RAB3B: variants seen among roughly 807,000 people sequenced by gnomAD.
RAB3B encodes the protein ras-related protein Rab-3B.
Under a neutral mutation model 20.5 loss-of-function variants are expected in RAB3B, and 11 were observed. The observed-to-expected ratio is 0.54, with a 90% CI of 0.34 to 0.89. RAB3B has a LOEUF of 0.89. Ranked by LOEUF, RAB3B falls within the 40% of genes least tolerant of loss-of-function variation. RAB3B has a pLI of 0.02. For synonymous variants in RAB3B, 99 were observed against 106.3 expected (o/e 0.93, Z 0.42); for missense variants, 225 against 280.9 (o/e 0.80, Z 1.42).
chr1:51,974,499 A>G (rs1684981815), intron 2 of RAB3B, among the ~76,000 whole-genome samples: 2 of 152,218 alleles, frequency 1.3e-5, no homozygotes, highest in African/African-American at 4.8e-5. Context: ...GACGACCCGT[A>G]TAGCTTCTTC....
At chr1:51,971,305 T>C (rs1684930418) in intron 2 of RAB3B, among the ~76,000 whole-genome samples, 1 of 151,994 alleles carries the variant, frequency 6.6e-6, no homozygotes, top group Admixed American at 6.6e-5. Flanking sequence ...ATGTTCCCCC[T>C]TTCCCTTTAC....
rs544509038 is a variant in RAB3B, at chr1:51,956,175, C to G, written c.229-18763G>C. ...CTGTGCACCCTGCGCCTTGGATTCT[C>G]CTCTTTAAATAGGGATATTAGACTA... On this transcript the variant is annotated intron_variant, in intron 2 of 4. Transcript: ENST00000371655. Among the ~76,000 whole-genome samples the G allele has an allele frequency of 4.6e-5, 7 of 152,222 alleles. No homozygotes were observed. In the South Asian group the frequency reaches 1.5e-3, roughly 32 times the overall value.
chr1:51,985,091 C>G (rs1270611334), intron 1 of RAB3B, among the ~76,000 whole-genome samples: 1 of 152,206 alleles, frequency 6.6e-6, no homozygotes. Context: ...AAAATACCAC[C>G]TACTTCACAG....
intron 4 of RAB3B, among the ~76,000 whole-genome samples, chr1:51,930,557 G>A (rs1684308247): frequency 6.6e-6 from 1 of 152,002 alleles, no homozygotes. Context: ...TTTCTCATCT[G>A]TTAAAAAAAA....
At chr1:51,983,463 T>C (rs1431636186) in intron 1 of RAB3B, among the ~76,000 whole-genome samples, 2 of 152,318 alleles carry the variant, frequency 1.3e-5, no homozygotes, top group African/African-American at 2.4e-5. Context: ...CTAGGAGCAA[T>C]AGGCTATCTA....
At chr1:51,978,751 A>T (rs544918289) in intron 1 of RAB3B, among the ~76,000 whole-genome samples, 92 of 152,240 alleles carry the variant, frequency 6.0e-4, no homozygotes, top group Non-Finnish European at 1.0e-3. Flanking sequence ...TTCAAGTGTG[A>T]TGGTGTCTGG....
At position 51,918,670 on chromosome 1, in the gene RAB3B, G is replaced by A. The variant is rs1684121395; in HGVS notation, c.*1257C>T. On this transcript the variant is annotated 3_prime_UTR_variant, in exon 5 of 5. Transcript: ENST00000371655. ...TGCTTTAAAAGAAAGAGATTTGATT[G>A]TTAGGCTTGACAGTCACTTGTCAGA... The A allele has an allele frequency of 6.6e-6, 1 of 152,236 alleles. No homozygotes were observed. Among genetic ancestry groups the A allele is most frequent in the Admixed American group, 6.5e-5 (1 of 15,276 alleles). 9.4% of individuals were successfully genotyped at this position (152,236 alleles called of 1,614,324 possible).
At chr1:51,981,915 G>T (rs1234246632) in intron 1 of RAB3B, among the ~76,000 whole-genome samples, 1 of 152,140 alleles carries the variant, frequency 6.6e-6, no homozygotes, top group Non-Finnish European at 1.5e-5. Context: ...GATAATAAAT[G>T]ACTATGTTAC....
rs77664152 is a variant in RAB3B, at chr1:51,937,996, CT to C, written c.229-585del. ...AAAAGTTTTAACCTTATTTTTGTTTCTTTTTTTTTTTTTTTTTTTTTTTTAA... is the reference window on the plus strand; with the variant it reads ...AAAAGTTTTAACCTTATTTTTGTTTCTTTTTTTTTTTTTTTTTTTTTTTAA... On this transcript the variant is annotated intron_variant, in intron 2 of 4. Transcript: ENST00000371655. Among the ~76,000 whole-genome samples, 729 of 88,734 alleles carry C rather than the reference CT, an allele frequency of 8.2e-3. 7 individuals are homozygous for C. The highest frequency in any genetic ancestry group is 0.02 in the African/African-American group (471 of 23,850). The allele number at this position is 88,734 out of a possible 152,430, so 58.2% of individuals were successfully genotyped here.
intron 2 of RAB3B, among the ~76,000 whole-genome samples, chr1:51,961,161 C>T (rs948187335): frequency 6.6e-6 from 1 of 152,158 alleles, no homozygotes; most frequent in Admixed American, 6.5e-5. Flanking sequence ...GCAGCTTCTT[C>T]AGAGACCACT....
intron 1 of RAB3B, among the ~76,000 whole-genome samples, chr1:51,982,704 G>A (rs1685103424): frequency 6.6e-6 from 1 of 151,790 alleles, no homozygotes; most frequent in South Asian, 2.1e-4. Context: ...AGTGAGCAGA[G>A]ATCCACTGCA....
chr1:51,916,067 A>G lies in RAB3B; in HGVS notation c.*3860T>C, dbSNP rs1369497665. On this transcript the variant is annotated 3_prime_UTR_variant, in exon 5 of 5. Coordinates refer to ENST00000371655, the MANE Select transcript of RAB3B (RefSeq NM_002867.4). ...ATCCAGGACAAGTTGCCACTAACAC[A>G]TATTACACAGCTTGAACCTTGGTGG... 6.6e-6 allele frequency: 1 copy of G among 152,244 alleles called. No homozygotes were observed. Among genetic ancestry groups the G allele is most frequent in the African/African-American group, 2.4e-5 (1 of 41,462 alleles). The allele number at this position is 152,244 out of a possible 1,614,324, so 9.4% of individuals were successfully genotyped here.
intron 3 of RAB3B, among the ~76,000 whole-genome samples, chr1:51,934,537 C>T (rs1384535778): frequency 2.0e-5 from 3 of 151,920 alleles, no homozygotes; most frequent in African/African-American, 7.3e-5. Flanking sequence ...TTTGTGAGGC[C>T]GAGGTGGGCG....
chr1:51,948,227 C>T (rs527388259), intron 2 of RAB3B, among the ~76,000 whole-genome samples: 10 of 152,230 alleles, frequency 6.6e-5, no homozygotes, highest in East Asian at 1.9e-4. Flanking sequence ...ATCATGAAAA[C>T]GGGCTTAAAT....
At chr1:51,921,663 G>A (rs974719507) in intron 4 of RAB3B, among the ~76,000 whole-genome samples, 1 of 152,122 alleles carries the variant, frequency 6.6e-6, no homozygotes, top group African/African-American at 2.4e-5. Context: ...CAGACTCCCT[G>A]TTGTCAAATA....
chr1:51,968,150 C>G (rs1684881919), intron 2 of RAB3B, among the ~76,000 whole-genome samples: 1 of 152,136 alleles, frequency 6.6e-6, no homozygotes, highest in Admixed American at 6.5e-5. Flanking sequence ...AGATGCCCCC[C>G]AGATGAGGCC....
chr1:51,922,504 T>C (rs1244963417), intron 4 of RAB3B, among the ~76,000 whole-genome samples: 1 of 152,022 alleles, frequency 6.6e-6, no homozygotes, highest in Non-Finnish European at 1.5e-5. Flanking sequence ...GTAATGAAAA[T>C]TAAATCCATG....
At chr1:51,951,534 A>G (rs910453762) in intron 2 of RAB3B, among the ~76,000 whole-genome samples, 7 of 152,220 alleles carry the variant, frequency 4.6e-5, no homozygotes, top group African/African-American at 1.7e-4. Flanking sequence ...GGTAATAAAA[A>G]TGGAGTCAGC....
chr1:51,954,691 C>G (rs1326587310), intron 2 of RAB3B, among the ~76,000 whole-genome samples: 1 of 152,124 alleles, frequency 6.6e-6, no homozygotes, highest in Non-Finnish European at 1.5e-5. Flanking sequence ...AATAGAGAAG[C>G]CTGAAACAGC....
Sources: gnomAD v4.1 joint callset for allele counts (sites outside exome capture counted in the v4.1 genomes callset) on GRCh38, gnomAD v4.1.1 for gene constraint, MANE v1.5 for transcripts, NCBI Gene and HGNC (gene_info 2026-07-23, HGNC 2026-07-21) for gene names.